BCAS3: variants seen among roughly 807,000 people sequenced by gnomAD.
BCAS3 encodes BCAS3 microtubule associated cell migration factor.
In BCAS3, 53 loss-of-function variants were observed where a neutral mutation model predicts 116.1. The observed-to-expected ratio is 0.46, with a 90% CI of 0.37 to 0.57. The LOEUF is 0.57. BCAS3 is among the 20% of genes least tolerant of loss of function. The pLI is 0.00. For synonymous variants in BCAS3, 391 were observed against 408.2 expected (o/e 0.96, Z 0.51); for missense variants, 917 against 1,165.4 (o/e 0.79, Z 3.10).
rs1361488067 is a variant in BCAS3 at position 61,387,939 on chromosome 17, C to T, written c.2594-4038C>T. Among the ~76,000 whole-genome samples, 1 of 152,200 alleles carries T rather than the reference C, an allele frequency of 6.6e-6. No homozygotes were observed. Among genetic ancestry groups the T allele is most frequent in the Non-Finnish European group, 1.5e-5 (1 of 68,030 alleles). ...AGCCACTTGCCTGGAAGCCACTCCT[C>T]CTCTCCTGCCCTACTTTGGGGCCTG... On this transcript the variant is annotated intron_variant, in intron 23 of 23. Coordinates refer to ENST00000407086, the MANE Select transcript of BCAS3 (RefSeq NM_017679.5). This position sits in a 1 kb window ranked among gnomAD's most constrained non-coding sequence, Gnocchi z 6.2.
chr17:61,131,939 C>T lies in BCAS3; in HGVS notation c.2425+47375C>T, dbSNP rs2076364880. The stretch of plus-strand genomic sequence containing the variant: ...TGTTTATTTCTCATGGCACTGGAAA[C>T]ATTTTTCTTTTCCTCTTGGGTGTTC... On this transcript the variant is annotated intron_variant, in intron 22 of 23. Coordinates refer to ENST00000407086, the MANE Select transcript of BCAS3 (RefSeq NM_017679.5). This position sits in a 1 kb window ranked among gnomAD's most constrained non-coding sequence, Gnocchi z 4.4. Among the ~76,000 whole-genome samples, 1 of 152,204 alleles carries T rather than the reference C, an allele frequency of 6.6e-6. No homozygotes were observed. Among genetic ancestry groups the T allele is most frequent in the South Asian group, 2.1e-4 (1 of 4,826 alleles).
intron 9 of BCAS3, among the ~76,000 whole-genome samples, chr17:60,881,597 C>A (rs1166385715): frequency 3.2e-5 from 4 of 123,640 alleles, no homozygotes; most frequent in African/African-American, 9.1e-5. Context: ...CCCCTCCCCC[C>A]ACCCCACCAC....
At chr17:60,711,702 AT>A (rs58579522) in intron 5 of BCAS3, among the ~76,000 whole-genome samples, 15,592 of 150,604 alleles carry the variant, frequency 0.1, 2,448 homozygotes, top group African/African-American at 0.34. Flanking sequence ...GACTTGAATA[AT>A]TTTTTTTTTG....
In BCAS3 at chr17:61,220,917, G is replaced by A. The variant is rs1166963108; in HGVS notation, c.2425+136353G>A. On this transcript the variant is annotated intron_variant, in intron 22 of 23. Transcript: ENST00000407086. The surrounding 1 kb of genome is among the most constrained non-coding windows in gnomAD (Gnocchi z 4.5). Reference sequence around the variant, plus strand: ...AGATCGAGACCATCCTGGCCAACACGGTGAAACCCCATCTCTACTAAAAAT... The same window carrying A: ...AGATCGAGACCATCCTGGCCAACACAGTGAAACCCCATCTCTACTAAAAAT... Among the ~76,000 whole-genome samples, 1 of 152,152 alleles carries A rather than the reference G, an allele frequency of 6.6e-6. No homozygotes were observed. The highest frequency in any genetic ancestry group is 1.9e-4 in the East Asian group (1 of 5,186).
At chr17:60,801,502 A>G (rs952403585) in intron 6 of BCAS3, among the ~76,000 whole-genome samples, 2 of 151,890 alleles carry the variant, frequency 1.3e-5, no homozygotes, top group African/African-American at 4.8e-5. Context: ...GCCTTATTAT[A>G]CTAGATAGAA....
In BCAS3 at chr17:60,789,692, AAC is replaced by A. The variant is rs559719165; in HGVS notation, c.404-18306_404-18305del. 3.3e-3 allele frequency among the ~76,000 whole-genome samples: 496 copies of A among 152,306 alleles called. 2 individuals carry two copies. Among genetic ancestry groups the A allele is most frequent in the African/African-American group, 0.011 (465 of 41,568 alleles). On this transcript the variant is annotated intron_variant, in intron 6 of 23. Transcript: ENST00000407086. ...ATTCTCTCTATTGTACATGCAAATA[AAC>A]ACACAATTTTATATATAAAAAGTTA...
At chr17:60,765,167 A>G (rs2043961279) in intron 6 of BCAS3, among the ~76,000 whole-genome samples, 1 of 152,176 alleles carries the variant, frequency 6.6e-6, no homozygotes, top group Non-Finnish European at 1.5e-5. Flanking sequence ...GTGTCTTTTC[A>G]TGGGGGCATT....
chr17:60,717,933 T>A (rs2038817876), intron 5 of BCAS3, among the ~76,000 whole-genome samples: 1 of 152,190 alleles, frequency 6.6e-6, no homozygotes, highest in African/African-American at 2.4e-5. Flanking sequence ...AGCTAGATGG[T>A]CCCATGTGTG....
intron 4 of BCAS3, among the ~76,000 whole-genome samples, chr17:60,695,934 G>A (rs1419857698): frequency 6.6e-6 from 1 of 152,068 alleles, no homozygotes. Flanking sequence ...TCATGGATCT[G>A]GGAAAGATTG....
chr17:61,044,798 A>T (rs1600720795), intron 19 of BCAS3, among the ~76,000 whole-genome samples: 1 of 146,094 alleles, frequency 6.8e-6, no homozygotes, highest in Non-Finnish European at 1.5e-5. Context: ...TTTGAGATGG[A>T]GTCTTGCTCT....
At chr17:60,713,153 A>G (rs1457073490) in intron 5 of BCAS3, among the ~76,000 whole-genome samples, 3 of 152,216 alleles carry the variant, frequency 2.0e-5, no homozygotes, top group Non-Finnish European at 2.9e-5. Context: ...AGAACACCAG[A>G]AAGTCCTTGG....
At position 61,104,233 on chromosome 17, in the gene BCAS3, T is replaced by G. The variant is rs1317783335; in HGVS notation, c.2425+19669T>G. 6.6e-6 allele frequency among the ~76,000 whole-genome samples: 1 copy of G among 152,196 alleles called. No homozygotes were observed. The highest frequency in any genetic ancestry group is 1.5e-5 in the Non-Finnish European group (1 of 68,034). ...TTCCACCTCCCCACCCACAGACTCA[T>G]GTCAGCAAAGATGCTGAGAGTTTTA... On this transcript the variant is annotated intron_variant, in intron 22 of 23. Transcript: ENST00000407086. The surrounding 1 kb of genome is among the most constrained non-coding windows in gnomAD (Gnocchi z 4.1).
Position 61,141,107 on chromosome 17 carries a change from C to T in BCAS3, c.2425+56543C>T, listed in dbSNP as rs180732516. Among the ~76,000 whole-genome samples, 1 of 152,234 alleles carries T rather than the reference C, an allele frequency of 6.6e-6. No homozygotes were observed. The highest frequency in any genetic ancestry group is 6.5e-5 in the Admixed American group (1 of 15,286). ...TTTCAACACAGTAATGAGTATTCAT[C>T]CTCTGTTGCCCTAAGAACTTACACC... On this transcript the variant is annotated intron_variant, in intron 22 of 23. Coordinates refer to ENST00000407086, the MANE Select transcript of BCAS3 (RefSeq NM_017679.5). This position sits in a 1 kb window ranked among gnomAD's most constrained non-coding sequence, Gnocchi z 4.3.
intron 23 of BCAS3, among the ~76,000 whole-genome samples, chr17:61,374,992 C>T (rs930014777): frequency 2.0e-5 from 3 of 152,200 alleles, no homozygotes; most frequent in Admixed American, 2.0e-4. Context: ...AATTACTCTG[C>T]AGAAAAGGCT....
intron 4 of BCAS3, among the ~76,000 whole-genome samples, chr17:60,702,057 T>G (rs949755929): frequency 1.3e-5 from 2 of 152,148 alleles, no homozygotes; most frequent in African/African-American, 4.8e-5. Context: ...CACACAAATC[T>G]ATTATAAAAA....
rs1198744648 is a variant in BCAS3, at chr17:61,023,559, C to T, written c.1637+7658C>T. Among the ~76,000 whole-genome samples the T allele has an allele frequency of 2.0e-5, 3 of 151,952 alleles. No homozygotes were observed. The highest frequency in any genetic ancestry group is 7.2e-5 in the African/African-American group (3 of 41,402). ...AAATCAAATCTAGTTTTGCTTTTTT[C>T]TCATATTAAAAAAATTCTTCGTGTT... On this transcript the variant is annotated intron_variant, in intron 16 of 23. Coordinates refer to ENST00000407086, the MANE Select transcript of BCAS3 (RefSeq NM_017679.5). The surrounding 1 kb of genome is among the most constrained non-coding windows in gnomAD (Gnocchi z 4.8).
Position 60,679,485 on chromosome 17 carries a change from C to T in BCAS3, c.28C>T (p.Pro10Ser), listed in dbSNP as rs1457905657. ...GAATGAAGCTATGGCTACAGATTCC[C>T]CAAGAAGACCCAGTCGTTGTACTGG... Reference protein sequence around the residue: MNEAMATDSPRRPSRCTGGV... With the variant: MNEAMATDSSRRPSRCTGGV... Residue 10 changes from proline to serine, a missense_variant, in exon 2 of 24, where the codon CCA becomes TCA. Physicochemically the swap from Pro to Ser is moderately conservative, Grantham distance 74. Around this residue, in one of 3 missense-constraint regions of BCAS3, gnomAD observed 807 missense variants for 1,026.0 expected, o/e 0.79. Transcript: ENST00000407086. 2 of 1,613,750 alleles carry T rather than the reference C, an allele frequency of 1.2e-6. No homozygotes were observed. Among genetic ancestry groups the T allele is most frequent in the Non-Finnish European group, 1.7e-6 (2 of 1,179,894 alleles).
chr17:61,369,335 T>C (rs559941384), intron 23 of BCAS3, among the ~76,000 whole-genome samples: 1 of 152,330 alleles, frequency 6.6e-6, no homozygotes, highest in East Asian at 1.9e-4. Flanking sequence ...TTTTCTCTCC[T>C]GCTTGCCTGA....
intron 22 of BCAS3, among the ~76,000 whole-genome samples, chr17:61,094,425 C>A (rs967966424): frequency 6.6e-6 from 1 of 152,162 alleles, no homozygotes; most frequent in African/African-American, 2.4e-5. Flanking sequence ...AATAAGCAAA[C>A]CCTGTCACTT....
Sources: gnomAD v4.1 joint callset for allele counts (sites outside exome capture counted in the v4.1 genomes callset) on GRCh38, gnomAD v4.1.1 for gene constraint, gnomAD v4.1.1 regional missense constraint, Gnocchi (gnomAD v3.1) non-coding constraint, MANE v1.5 for transcripts, NCBI Gene and HGNC (gene_info 2026-07-23, HGNC 2026-07-21) for gene names.